HIBADH: variants seen among roughly 807,000 people sequenced by gnomAD.
The protein encoded by HIBADH is 3-hydroxyisobutyrate dehydrogenase.
In HIBADH, 25 loss-of-function variants were observed where a neutral mutation model predicts 36.1. The observed-to-expected ratio is 0.69, with a 90% CI of 0.50 to 0.97. HIBADH has a LOEUF of 0.97. Ranked by LOEUF, HIBADH falls within the 50% of genes least tolerant of loss-of-function variation. The pLI is 0.00. For synonymous variants in HIBADH, 160 were observed against 149.5 expected, an observed-to-expected ratio of 1.07 and a Z score of -0.51; for missense variants, 421 against 418.0, an observed-to-expected ratio of 1.01 and a Z score of -0.06.
chr7:27,533,960 A>C (rs1210399526), intron 6 of HIBADH, among the ~76,000 whole-genome samples: 1 of 152,186 alleles, frequency 6.6e-6, no homozygotes, highest in Admixed American at 6.5e-5. Context: ...ATAACTTGCC[A>C]CTGGATGTGG....
intron 4 of HIBADH, among the ~76,000 whole-genome samples, chr7:27,591,538 G>A (rs896747733): frequency 1.1e-4 from 15 of 133,722 alleles, no homozygotes; most frequent in Admixed American, 2.3e-4. Flanking sequence ...GCGACAGAGC[G>A]AGACTCCGTC....
intron 4 of HIBADH, among the ~76,000 whole-genome samples, chr7:27,612,089 G>A (rs1284627733): frequency 6.6e-6 from 1 of 151,834 alleles, no homozygotes; most frequent in East Asian, 1.9e-4. Context: ...AGGACTTTGA[G>A]TATCTTTAAA....
At chr7:27,638,598 C>A (rs1785900140) in intron 2 of HIBADH, among the ~76,000 whole-genome samples, 1 of 152,020 alleles carries the variant, frequency 6.6e-6, no homozygotes, top group South Asian at 2.1e-4. Context: ...CAAATGAGAC[C>A]TAATTAAACT....
In HIBADH at chr7:27,662,769, A is replaced by C; in HGVS notation, c.20T>G (p.Leu7Arg). 1 of 1,452,828 alleles carries C rather than the reference A, an allele frequency of 6.9e-7. No homozygotes were observed. Among genetic ancestry groups the C allele is most frequent in the South Asian group, 1.4e-5 (1 of 73,494 alleles). The allele number at this position is 1,452,828 out of a possible 1,614,324, so 90.0% of individuals were successfully genotyped here. A position where few individuals can be genotyped will look rare whatever the true frequency, so the allele number is the denominator to read the frequency against. Residue 7 changes from leucine to arginine, a missense_variant, in exon 1 of 8, where the codon CTC (leucine) becomes CGC (arginine). Transcript: ENST00000265395. The stretch of plus-strand genomic sequence containing the variant: ...CCGGAGACCGGAGGCAGCTCCGAGG[A>C]GCCGTAAGGAGGCTGCCATGCTGCG... MAASLR[L>R]LGAASGLRYW...
intron 6 of HIBADH, among the ~76,000 whole-genome samples, chr7:27,536,644 A>G (rs1583557721): frequency 2.0e-5 from 3 of 152,164 alleles, no homozygotes; most frequent in African/African-American, 7.2e-5. Flanking sequence ...TATTGCCTAC[A>G]GTTGTAGCTG....
At chr7:27,527,115 G>T (rs1349277556) in intron 7 of HIBADH, among the ~76,000 whole-genome samples, 1 of 152,098 alleles carries the variant, frequency 6.6e-6, no homozygotes, top group Non-Finnish European at 1.5e-5. Flanking sequence ...GAACAAGAGG[G>T]AGAAGTGAGT....
intron 2 of HIBADH, 75 bp downstream of exon 2, chr7:27,649,398 A>C: frequency 8.4e-7 from 1 of 1,195,258 alleles, no homozygotes. Context: ...TACTTCTAAG[A>C]AGCTGTCACT....
At chr7:27,577,679 A>G (rs1784733179) in intron 4 of HIBADH, among the ~76,000 whole-genome samples, 1 of 152,176 alleles carries the variant, frequency 6.6e-6, no homozygotes, top group Non-Finnish European at 1.5e-5. Flanking sequence ...AGGATTATAT[A>G]TCCCTTCATC....
chr7:27,658,972 C>G (rs1243468547), intron 1 of HIBADH, among the ~76,000 whole-genome samples: 2 of 152,104 alleles, frequency 1.3e-5, no homozygotes, highest in Non-Finnish European at 2.9e-5. Flanking sequence ...CTTTTAGGCC[C>G]CGGACCATGA....
At chr7:27,529,291 A>G (rs1369002526) in intron 7 of HIBADH, among the ~76,000 whole-genome samples, 1 of 152,232 alleles carries the variant, frequency 6.6e-6, no homozygotes, top group Non-Finnish European at 1.5e-5. Context: ...GAAGTATTTC[A>G]TAAGGCAATA....
At chr7:27,534,428 C>T (rs897502266) in intron 6 of HIBADH, among the ~76,000 whole-genome samples, 3 of 152,122 alleles carry the variant, frequency 2.0e-5, no homozygotes, top group Admixed American at 1.3e-4. Flanking sequence ...ACACGTGCAG[C>T]GAAGGAGACA....
chr7:27,585,068 T>A (rs995354146), intron 4 of HIBADH, among the ~76,000 whole-genome samples: 3 of 151,982 alleles, frequency 2.0e-5, no homozygotes, highest in African/African-American at 7.2e-5. Context: ...ATTATATATA[T>A]TTGTAAAAAT....
intron 4 of HIBADH, among the ~76,000 whole-genome samples, chr7:27,572,719 C>T (rs776339148): frequency 7.2e-5 from 11 of 152,082 alleles, no homozygotes; most frequent in South Asian, 2.1e-4. Flanking sequence ...TTATTATCCA[C>T]GAATCAAGTA....
At chr7:27,627,339 T>A (rs1785666043) in intron 4 of HIBADH, among the ~76,000 whole-genome samples, 2 of 152,168 alleles carry the variant, frequency 1.3e-5, no homozygotes. Context: ...GAATTCCCCC[T>A]TGCTTCTTGA....
intron 4 of HIBADH, among the ~76,000 whole-genome samples, chr7:27,547,916 T>A (rs927042686): frequency 6.6e-6 from 1 of 152,182 alleles, no homozygotes; most frequent in Non-Finnish European, 1.5e-5. Flanking sequence ...GCCTAAATAT[T>A]TGTGGCTGCC....
Position 27,596,344 on chromosome 7 carries a change from A to G in HIBADH, c.484+33027T>C, listed in dbSNP as rs1416426190. ...CACAAGGGCAGAGCCCTCATGATCT[A>G]AACAGTTCCCAAAAGTTCCCAAGAC... On this transcript the variant is annotated intron_variant, in intron 4 of 7. Transcript: ENST00000265395. Among the ~76,000 whole-genome samples, 11 of 152,340 alleles carry G rather than the reference A, an allele frequency of 7.2e-5. No homozygotes were observed. In the South Asian group the frequency reaches 2.3e-3, roughly 32 times the overall value.
At chr7:27,645,382 T>TTTTTTTTTTTTTTTTTTTTTGTTTTTG (rs1562657294) in intron 2 of HIBADH, among the ~76,000 whole-genome samples, 1 of 129,082 alleles carries the variant, frequency 7.7e-6, no homozygotes, top group African/African-American at 3.1e-5. Context: ...TTTTTTTTTT[T>TTTTTTTTTTTTTTTTTTTTTGTTTTTG]TTTTTTTTTT....
intron 4 of HIBADH, among the ~76,000 whole-genome samples, chr7:27,554,574 A>T (rs1478565934): frequency 1.3e-5 from 2 of 152,206 alleles, no homozygotes; most frequent in South Asian, 4.1e-4. Flanking sequence ...TGAGAAGAAA[A>T]ACAGGCATAA....
At chr7:27,647,114 T>C (rs564414079) in intron 2 of HIBADH, among the ~76,000 whole-genome samples, 3 of 152,282 alleles carry the variant, frequency 2.0e-5, no homozygotes, top group African/African-American at 7.2e-5. Flanking sequence ...AACACTACTC[T>C]TGCGCTTTGG....
Sources: allele counts gnomAD v4.1 joint callset (sites outside exome capture counted in the v4.1 genomes callset), GRCh38; gene constraint gnomAD v4.1.1; transcripts MANE v1.5; gene names NCBI Gene and HGNC (gene_info 2026-07-23, HGNC 2026-07-21).